Variants in CELF2 observed in about 807,000 individuals in gnomAD.
CELF2 encodes the protein CUG triplet repeat RNA-binding protein 2.
Under a neutral mutation model 62.6 loss-of-function variants are expected in CELF2, and 8 were observed. That is an observed-to-expected ratio of 0.13 (90% CI 0.07 to 0.23). The LOEUF is 0.23. Among genes scored for constraint, CELF2 ranks in the 10% least tolerant of loss-of-function variants. CELF2 has a pLI of 1.00. For synonymous variants in CELF2, 258 were observed against 250.0 expected (o/e 1.03, Z -0.30); for missense variants, 333 against 671.0 (o/e 0.50, Z 5.56).
intron 1 of CELF2, among the ~76,000 whole-genome samples, chr10:10,811,451 A>G (rs1241414794): frequency 1.3e-5 from 2 of 152,044 alleles, no homozygotes; most frequent in Non-Finnish European, 2.9e-5. Flanking sequence ...CCACCTGTAG[A>G]TGTTAGGACT....
chr10:10,502,961 C>T, the CELF2 span, among the ~76,000 whole-genome samples: 4 of 151,894 alleles, frequency 2.6e-5, no homozygotes, highest in African/African-American at 2.4e-5. Context: ...TTAATATTTT[C>T]TATTTCCCTT....
At chr10:11,140,965 G>A (rs559297372) in intron 1 of CELF2, among the ~76,000 whole-genome samples, 3 of 152,180 alleles carry the variant, frequency 2.0e-5, no homozygotes, top group Non-Finnish European at 2.9e-5. Flanking sequence ...TACAGTGAGC[G>A]TGATCACACC....
the CELF2 span, among the ~76,000 whole-genome samples, chr10:10,471,282 T>G: frequency 6.6e-6 from 1 of 151,502 alleles, no homozygotes; most frequent in Non-Finnish European, 1.5e-5. Flanking sequence ...TTTCCTACTG[T>G]TTGTTTTGTT....
In CELF2 at chr10:11,151,331, T is replaced by A. The variant is rs533245654; in HGVS notation, c.75-14155T>A. Among the ~76,000 whole-genome samples, 23 of 152,356 alleles carry A rather than the reference T, an allele frequency of 1.5e-4. 1 individual carries two copies. In the South Asian group the frequency reaches 2.9e-3, roughly 19 times the overall value. On this transcript the variant is annotated intron_variant, in intron 1 of 12. Transcript: ENST00000633077. Reference sequence around the variant, plus strand: ...GGGCTTTGTGTGTACTTGAATTGTTTTTTCTTCTGTATCTTTTCCATGGAT... The same window carrying A: ...GGGCTTTGTGTGTACTTGAATTGTTATTTCTTCTGTATCTTTTCCATGGAT...
chr10:10,857,673 A>ATATATATATG (rs2059819267), intron 1 of CELF2, among the ~76,000 whole-genome samples: 1 of 134,558 alleles, frequency 7.4e-6, no homozygotes, highest in East Asian at 2.4e-4. Context: ...ATATATATAT[A>ATATATATATG]TATATATATT....
At chr10:11,229,496 G>A (rs2067825134) in intron 3 of CELF2, among the ~76,000 whole-genome samples, 1 of 152,166 alleles carries the variant, frequency 6.6e-6, no homozygotes, top group Non-Finnish European at 1.5e-5. Flanking sequence ...CTCAGCCTCA[G>A]CTGCACAGGA....
chr10:11,231,060 A>T lies in CELF2; in HGVS notation c.354+13553A>T, dbSNP rs59835728. Reference sequence around the variant, plus strand: ...CTAGAGTGGAATATACTATTGCCTGATGAGGGATGCTGGGTCTATGTATGT... The same window carrying T: ...CTAGAGTGGAATATACTATTGCCTGTTGAGGGATGCTGGGTCTATGTATGT... On this transcript the variant is annotated intron_variant, in intron 3 of 12. Coordinates refer to ENST00000633077, the MANE Select transcript of CELF2 (RefSeq NM_001326342.2). Among the ~76,000 whole-genome samples the T allele has an allele frequency of 5.5e-3, 844 of 152,336 alleles. 12 individuals are homozygous for T. The highest frequency in any genetic ancestry group is 0.019 in the African/African-American group (808 of 41,574).
At chr10:10,627,116 G>T in the CELF2 span, among the ~76,000 whole-genome samples, 1 of 152,180 alleles carries the variant, frequency 6.6e-6, no homozygotes, top group Non-Finnish European at 1.5e-5. Flanking sequence ...TGAGGCTCTC[G>T]CATTGTGTAG....
chr10:10,488,923 C>T, the CELF2 span, among the ~76,000 whole-genome samples: 2 of 152,050 alleles, frequency 1.3e-5, no homozygotes, highest in Admixed American at 6.6e-5. Flanking sequence ...CAAAGAACAA[C>T]ATGTCTGAAC....
At chr10:10,706,812 T>G in the CELF2 span, among the ~76,000 whole-genome samples, 1 of 152,206 alleles carries the variant, frequency 6.6e-6, no homozygotes, top group African/African-American at 2.4e-5. Context: ...ATTTTACAAC[T>G]TTAAACGCTC....
chr10:10,849,996 A>T (rs60567124), intron 1 of CELF2, among the ~76,000 whole-genome samples: 4,281 of 151,542 alleles, frequency 0.028, 116 homozygotes, highest in Middle Eastern at 0.065. Flanking sequence ...CGAAAAAAAA[A>T]AATTAGCCGA....
chr10:10,882,634 G>A (rs1466909274), intron 1 of CELF2, among the ~76,000 whole-genome samples: 2 of 152,122 alleles, frequency 1.3e-5, no homozygotes, highest in African/African-American at 4.8e-5. Context: ...ATTGATGAGA[G>A]AACCTCTCTA....
At chr10:10,812,834 T>C (rs1235449112) in intron 1 of CELF2, among the ~76,000 whole-genome samples, 1 of 152,208 alleles carries the variant, frequency 6.6e-6, no homozygotes, top group African/African-American at 2.4e-5. Flanking sequence ...GCAGGGTCAA[T>C]GTCTGATTCA....
At chr10:10,563,607 CAAAA>C in the CELF2 span, among the ~76,000 whole-genome samples, 14,340 of 86,866 alleles carry the variant, frequency 0.17, 835 homozygotes, top group East Asian at 0.31. Flanking sequence ...GACTGTGTCT[CAAAA>C]AAAAAAAAAA....
At position 11,328,502 on chromosome 10, in the gene CELF2, G is replaced by A. The variant is rs115573837; in HGVS notation, c.1439-424G>A. ...TGTTGGCCTCACCTGGCTGGGACAC[G>A]TGAGCCCCTAGGGGCCCCCACAGCC... On this transcript the variant is annotated intron_variant, in intron 12 of 12. Coordinates refer to ENST00000633077, the MANE Select transcript of CELF2 (RefSeq NM_001326342.2). The surrounding 1 kb of genome is among the most constrained non-coding windows in gnomAD (Gnocchi z 6.4). Among the ~76,000 whole-genome samples the A allele has an allele frequency of 0.013, 1,958 of 152,244 alleles. 39 individuals carry two copies. Among genetic ancestry groups the A allele is most frequent in the African/African-American group, 0.044 (1,833 of 41,526 alleles).
At chr10:10,749,018 G>A in the CELF2 span, among the ~76,000 whole-genome samples, 19 of 152,134 alleles carry the variant, frequency 1.2e-4, no homozygotes, top group African/African-American at 3.4e-4. Flanking sequence ...TACTGAGATC[G>A]GGAGAAGGGA....
intron 9 of CELF2, among the ~76,000 whole-genome samples, chr10:11,293,948 G>A (rs1445907123): frequency 2.0e-5 from 3 of 152,312 alleles, no homozygotes; most frequent in Admixed American, 6.5e-5. Context: ...TACCCACCCA[G>A]TTCACCTGTA....
At chr10:11,248,069 A>G (rs546748693) in intron 3 of CELF2, among the ~76,000 whole-genome samples, 99 of 152,348 alleles carry the variant, frequency 6.5e-4, no homozygotes, top group African/African-American at 2.3e-3. Flanking sequence ...AAGTGATGGA[A>G]GTCCACTGGG....
chr10:10,813,160 G>A (rs767266609), intron 1 of CELF2, among the ~76,000 whole-genome samples: 4 of 152,134 alleles, frequency 2.6e-5, no homozygotes, highest in Non-Finnish European at 4.4e-5. Flanking sequence ...GCTGATGGAC[G>A]AAACTACAGA....
Sources: allele counts gnomAD v4.1 joint callset (sites outside exome capture counted in the v4.1 genomes callset), GRCh38; gene constraint gnomAD v4.1.1; non-coding constraint Gnocchi (gnomAD v3.1); transcripts MANE v1.5; gene names NCBI Gene and HGNC (gene_info 2026-07-23, HGNC 2026-07-21).